The following CSGALNACT1 variants were observed in gnomAD, a reference collection of about 807,000 sequenced individuals.
The protein encoded by CSGALNACT1 is chondroitin sulfate N-acetylgalactosaminyltransferase 1.
In CSGALNACT1, 52 loss-of-function variants were observed where a neutral mutation model predicts 51.0. The ratio of observed to expected loss-of-function variants is 1.02; its 90% CI spans 0.82 to 1.29. The LOEUF is 1.29. Among genes scored for constraint, CSGALNACT1 ranks in the 50% most tolerant of loss-of-function variants. CSGALNACT1 has a pLI of 0.00. For missense variants in CSGALNACT1, 935 were observed against 679.2 expected, an observed-to-expected ratio of 1.38 and a Z score of -4.19; for synonymous variants, 341 against 254.4, an observed-to-expected ratio of 1.34 and a Z score of -3.24.
chr8:19,428,358 A>G (rs1017365975), intron 6 of CSGALNACT1, among the ~76,000 whole-genome samples: 1 of 152,194 alleles, frequency 6.6e-6, no homozygotes, highest in Non-Finnish European at 1.5e-5. Flanking sequence ...GAAGAGGAGC[A>G]AAGTCACATC....
chr8:19,538,834 G>A (rs979606598), intron 3 of CSGALNACT1, among the ~76,000 whole-genome samples: 2 of 152,000 alleles, frequency 1.3e-5, no homozygotes, highest in Middle Eastern at 3.2e-3. Flanking sequence ...CCTGCCCCCA[G>A]ACTCTGTGTC....
chr8:19,701,152 C>CTT (rs1230956394), intron 1 of CSGALNACT1, among the ~76,000 whole-genome samples: 6 of 54,318 alleles, frequency 1.1e-4, no homozygotes, highest in African/African-American at 2.9e-4. Flanking sequence ...ATCTATTATC[C>CTT]GTTTTTTTTT....
intron 1 of CSGALNACT1, among the ~76,000 whole-genome samples, chr8:19,621,500 T>A (rs1336129674): frequency 6.6e-6 from 1 of 152,154 alleles, no homozygotes; most frequent in Non-Finnish European, 1.5e-5. Flanking sequence ...AGAAATAATG[T>A]CCAGGCACAG....
chr8:19,682,495 G>T (rs2060693222), exon 1 of CSGALNACT1: 1 of 357,582 alleles, frequency 2.8e-6, no homozygotes, highest in Non-Finnish European at 5.6e-6. Flanking sequence ...TCAAAAAGAT[G>T]ACACCTGTTG....
At chr8:19,629,827 T>A (rs2054966812) in intron 1 of CSGALNACT1, among the ~76,000 whole-genome samples, 1 of 152,198 alleles carries the variant, frequency 6.6e-6, no homozygotes, top group African/African-American at 2.4e-5. Context: ...TATCATTCTC[T>A]CAAAAGCATC....
rs561725488 is a variant in CSGALNACT1 at position 19,661,879 on chromosome 8, C to T, written c.-544+20594G>A. Reference sequence around the variant, plus strand: ...GGCCTCTATGTGAACAGTTTCTCCTCGTATATAACCTCAACTTATTTTGAC... The same window carrying T: ...GGCCTCTATGTGAACAGTTTCTCCTTGTATATAACCTCAACTTATTTTGAC... On this transcript the variant is annotated intron_variant, in intron 1 of 9. Coordinates refer to the CSGALNACT1 transcript ENST00000332246. Among the ~76,000 whole-genome samples the T allele has an allele frequency of 9.1e-4, 139 of 152,276 alleles. 1 individual carries two copies. Among genetic ancestry groups the T allele is most frequent in the Admixed American group, 2.1e-3 (32 of 15,296 alleles).
chr8:19,489,010 G>T (rs1220877020), intron 4 of CSGALNACT1, among the ~76,000 whole-genome samples: 1 of 151,998 alleles, frequency 6.6e-6, no homozygotes, highest in Non-Finnish European at 1.5e-5. Context: ...AAGAAACAAC[G>T]GCCCCCATTT....
chr8:19,517,996 G>A lies in CSGALNACT1; in HGVS notation c.-296-11866C>T, dbSNP rs1587705060. ...AGGCAGAAACCAGCCCTGGCACTGG[G>A]GAGACTCCAAGACTCAGGAAAGTAA... On this transcript the variant is annotated intron_variant, in intron 3 of 9. Transcript: ENST00000454498. Among the ~76,000 whole-genome samples, 4 of 152,236 alleles carry A rather than the reference G, an allele frequency of 2.6e-5. No homozygotes were observed. The East Asian group carries it at 5.8e-4, about 22-fold the overall frequency.
At chr8:19,521,092 G>T (rs1329354382) in intron 3 of CSGALNACT1, among the ~76,000 whole-genome samples, 1 of 152,050 alleles carries the variant, frequency 6.6e-6, no homozygotes, top group Non-Finnish European at 1.5e-5. Context: ...ATAGCAAAGG[G>T]CCCCTCATTT....
chr8:19,666,051 C>A (rs1286464217), intron 1 of CSGALNACT1, among the ~76,000 whole-genome samples: 1 of 152,112 alleles, frequency 6.6e-6, no homozygotes, highest in Admixed American at 6.6e-5. Flanking sequence ...TATTTTTAAT[C>A]TTTTTGGAGT....
intron 3 of CSGALNACT1, among the ~76,000 whole-genome samples, chr8:19,586,298 G>A (rs1211831016): frequency 6.6e-6 from 1 of 151,886 alleles, no homozygotes. Flanking sequence ...TGGGGAGGCT[G>A]CAGTGAGCCA....
exon 10 of CSGALNACT1, chr8:19,404,266 A>AT (rs1311950116): frequency 2.3e-6 from 1 of 442,862 alleles, no homozygotes; most frequent in South Asian, 1.6e-5. Context: ...AATACAATGC[A>AT]TTTTTTAACA....
At chr8:19,570,958 G>A (rs752178193) in intron 3 of CSGALNACT1, among the ~76,000 whole-genome samples, 22 of 152,072 alleles carry the variant, frequency 1.4e-4, no homozygotes, top group Admixed American at 5.9e-4. Context: ...ACAACAAAAC[G>A]TACAGAGATG....
chr8:19,633,246 G>A (rs78514964), intron 1 of CSGALNACT1, among the ~76,000 whole-genome samples: 3,838 of 152,194 alleles, frequency 0.025, 153 homozygotes, highest in African/African-American at 0.086. Context: ...CGAGGCTGGA[G>A]AGTTCCAAGT....
chr8:19,709,615 G>A (rs762605197), intron 1 of CSGALNACT1, among the ~76,000 whole-genome samples: 1 of 152,214 alleles, frequency 6.6e-6, no homozygotes, highest in African/African-American at 2.4e-5. Flanking sequence ...GTGACTTCTG[G>A]AACCTAGAGG....
At chr8:19,524,741 G>C (rs2081345603) in intron 3 of CSGALNACT1, among the ~76,000 whole-genome samples, 1 of 152,196 alleles carries the variant, frequency 6.6e-6, no homozygotes, top group Non-Finnish European at 1.5e-5. Context: ...CTTAGCTACA[G>C]AGGACTGGGA....
At chr8:19,407,188 T>A (rs1045378063) in intron 9 of CSGALNACT1, among the ~76,000 whole-genome samples, 1 of 97,048 alleles carries the variant, frequency 1.0e-5, no homozygotes, top group East Asian at 2.0e-4. Flanking sequence ...GACTTCAACA[T>A]TTTTTTTTTA....
chr8:19,528,992 C>G (rs369795025), intron 3 of CSGALNACT1, among the ~76,000 whole-genome samples: 2 of 152,116 alleles, frequency 1.3e-5, no homozygotes, highest in Admixed American at 6.6e-5. Context: ...ATTTATTAAA[C>G]CAAATGGCGA....
At chr8:19,520,612 G>C (rs2080460410) in intron 3 of CSGALNACT1, among the ~76,000 whole-genome samples, 2 of 152,250 alleles carry the variant, frequency 1.3e-5, no homozygotes, top group African/African-American at 4.8e-5. Flanking sequence ...TCTATGCACA[G>C]ATAGATGCCA....
Sources: gnomAD v4.1 joint callset for allele counts (sites outside exome capture counted in the v4.1 genomes callset) on GRCh38, gnomAD v4.1.1 for gene constraint, MANE v1.5 for transcripts, NCBI Gene and HGNC (gene_info 2026-07-23, HGNC 2026-07-21) for gene names.